The following TMEM245 variants were observed in gnomAD, a reference collection of about 807,000 sequenced individuals.
TMEM245 encodes protein CG-2.
Under a neutral mutation model 101.2 loss-of-function variants are expected in TMEM245, and 69 were observed. The ratio of observed to expected loss-of-function variants is 0.68; its 90% CI spans 0.56 to 0.83. The LOEUF (loss-of-function observed/expected upper bound fraction) is 0.83, where lower values mean the gene tolerates loss of function less well. Ranked by LOEUF, TMEM245 falls within the 40% of genes least tolerant of loss-of-function variation. TMEM245 has a pLI of 0.00. For missense variants in TMEM245, 1,075 were observed against 1,092.8 expected (o/e 0.98, Z 0.23); for synonymous variants, 537 against 449.8 (o/e 1.19, Z -2.45).
chr9:109,064,505 T>C lies in TMEM245; in HGVS notation c.1595A>G (p.Gln532Arg), dbSNP rs1384363852. Residue 532 changes from glutamine to arginine, a missense_variant, in exon 10 of 18, where the codon CAG becomes CGG. Transcript: ENST00000374586. ...ALNSAANNVY[Q>R]YGREWITHKL... is the part of the protein sequence containing the mutation. ...GTGAGTTATCCATTCTCGTCCATAC[T>C]GATACACGTTGTTAGCCGCAGAATT... The C allele has an allele frequency of 6.2e-7, 1 of 1,613,972 alleles. No homozygotes were observed. Among genetic ancestry groups the C allele is most frequent in the Non-Finnish European group, 8.5e-7 (1 of 1,179,864 alleles).
chr9:109,115,782 G>A (rs1003886749), intron 1 of TMEM245, among the ~76,000 whole-genome samples: 11 of 152,024 alleles, frequency 7.2e-5, no homozygotes, highest in African/African-American at 2.2e-4. Flanking sequence ...TGCCTGCCTC[G>A]GCTTCCCAAA....
At chr9:109,075,325 T>C (rs1005017263) in intron 8 of TMEM245, among the ~76,000 whole-genome samples, 1 of 152,220 alleles carries the variant, frequency 6.6e-6, no homozygotes, top group African/African-American at 2.4e-5. Flanking sequence ...TGGTCTGCAG[T>C]TTCCCTTCTG....
rs750760778 is a variant in TMEM245 at position 109,033,323 on chromosome 9, G to A, written c.2578C>T (p.Pro860Ser). 2 of 1,611,272 alleles carry A rather than the reference G, an allele frequency of 1.2e-6. No individual in the cohort carries two copies. The highest frequency in any genetic ancestry group is 1.7e-6 in the Non-Finnish European group (2 of 1,178,614). Reference sequence around the variant, plus strand: ...TTAACTCACCGCTGAGGCTGAGCAGGCCATGGGGTCTGGTTTGGCGTGGGA... The same window carrying A: ...TTAACTCACCGCTGAGGCTGAGCAGACCATGGGGTCTGGTTTGGCGTGGGA... ...SVPTPNQTPW[P>S]AQPQRTFRDI... The change falls in exon 17 of 18, where the codon CCT becomes TCT. Residue 860 changes from proline (P) to serine (S), a missense_variant. By Grantham distance (74) the Pro-to-Ser change is moderately conservative. This residue lies in a region of TMEM245 where 267 missense variants were observed against 351.3 expected (regional missense o/e 0.76). Transcript: ENST00000374586.
chr9:109,099,757 A>G (rs1013293685), intron 3 of TMEM245, among the ~76,000 whole-genome samples: 3 of 152,144 alleles, frequency 2.0e-5, no homozygotes, highest in African/African-American at 4.8e-5. Context: ...TCCAGGTGCT[A>G]TGGTTTGAGT....
At chr9:109,075,862 T>A (rs1300616194) in intron 8 of TMEM245, among the ~76,000 whole-genome samples, 1 of 152,242 alleles carries the variant, frequency 6.6e-6, no homozygotes, top group Non-Finnish European at 1.5e-5. Context: ...CACCTGATCC[T>A]TATTATTTCC....
intron 17 of TMEM245, among the ~76,000 whole-genome samples, chr9:109,032,798 A>G (rs1828000088): frequency 6.9e-6 from 1 of 145,450 alleles, no homozygotes; most frequent in South Asian, 2.2e-4. Flanking sequence ...ATTCTCACCC[A>G]ATATAGGTCT....
intron 17 of TMEM245, among the ~76,000 whole-genome samples, chr9:109,021,818 C>G (rs528966100): frequency 2.0e-5 from 3 of 152,006 alleles, no homozygotes; most frequent in Admixed American, 6.5e-5. Context: ...CACCACCCCC[C>G]CAAAAAAAGC....
chr9:109,092,590 A>G (rs1039510823), intron 4 of TMEM245, among the ~76,000 whole-genome samples: 8 of 152,266 alleles, frequency 5.3e-5, no homozygotes, highest in Non-Finnish European at 8.8e-5. Flanking sequence ...CCACTTTGGA[A>G]ACATAATTCC....
At chr9:109,036,501 A>C in intron 15 of TMEM245, 121 bp from the exon 16 acceptor site, 1 of 947,852 alleles carries the variant, frequency 1.1e-6, no homozygotes, top group Non-Finnish European at 1.5e-6. Flanking sequence ...ATACTCACAA[A>C]CTCAAATATT....
chr9:109,079,289 G>C (rs948245564), intron 8 of TMEM245, among the ~76,000 whole-genome samples: 1 of 151,910 alleles, frequency 6.6e-6, no homozygotes, highest in African/African-American at 2.4e-5. Context: ...ATATTAGGAA[G>C]GTGGAGCCAA....
intron 1 of TMEM245, among the ~76,000 whole-genome samples, chr9:109,115,305 T>C (rs1402984238): frequency 2.0e-5 from 3 of 151,570 alleles, no homozygotes; most frequent in East Asian, 3.9e-4. Flanking sequence ...GATCACACCA[T>C]TGCACTCCAG....
intron 17 of TMEM245, among the ~76,000 whole-genome samples, chr9:109,030,136 C>A (rs1291767813): frequency 6.6e-6 from 1 of 151,950 alleles, no homozygotes; most frequent in Non-Finnish European, 1.5e-5. Flanking sequence ...CTATATATGA[C>A]CAAATCAGAA....
Position 109,093,621 on chromosome 9 carries a change from CTT to C in TMEM245, c.800-32_800-31del, listed in dbSNP as rs1491456331. ...AAAAGAAGCATCCATTTTCAAAACT[CTT>C]TAAAGTAGGAAATAATGGCTGCAAA... On this transcript the variant is annotated intron_variant, in intron 3 of 17. Transcript: ENST00000374586. The C allele has an allele frequency of 1.0e-5, 16 of 1,566,762 alleles. No homozygotes were observed. The Middle Eastern group carries it at 5.0e-4, about 49-fold the overall frequency.
chr9:109,041,283 GC>G (rs958226571), intron 14 of TMEM245, among the ~76,000 whole-genome samples: 3 of 151,888 alleles, frequency 2.0e-5, no homozygotes, highest in African/African-American at 4.8e-5. Context: ...ATACTATTCA[GC>G]CCCCCCAAAA....
intron 17 of TMEM245, among the ~76,000 whole-genome samples, chr9:109,024,539 G>GC (rs1401084236): frequency 6.6e-6 from 1 of 152,152 alleles, no homozygotes; most frequent in Non-Finnish European, 1.5e-5. Flanking sequence ...TCTATAAAAC[G>GC]CGTATTAAGT....
chr9:109,092,292 C>T (rs1252483789), intron 4 of TMEM245, among the ~76,000 whole-genome samples: 2 of 149,534 alleles, frequency 1.3e-5, no homozygotes, highest in African/African-American at 5.0e-5. Flanking sequence ...AGCAATCATA[C>T]AGTAGCCCAC....
rs1354862426 is a variant in TMEM245 at position 109,060,389 on chromosome 9, G to A, written c.1687C>T (p.Leu563Phe). 2 of 1,613,502 alleles carry A rather than the reference G, an allele frequency of 1.2e-6. No homozygotes were observed. The highest frequency in any genetic ancestry group is 1.7e-6 in the Non-Finnish European group (2 of 1,179,784). Residue 563 changes from leucine (L) to phenylalanine (F), a missense_variant, in exon 11 of 18, where the codon CTT becomes TTT. Leu to Phe is a conservative substitution (Grantham distance 22). Around this residue, in one of 2 missense-constraint regions of TMEM245, gnomAD observed 808 missense variants for 741.5 expected, o/e 1.09. Transcript: ENST00000374586. ...TAVIEKQVLELWDRLYHSWFV... is the reference protein window; with the variant it reads ...TAVIEKQVLEFWDRLYHSWFV... ...CAAGAGTGATACAGTCTGTCCCAAAGTTCTAGTACTTGCTTTTCAATTACA... is the reference window on the plus strand; with the variant it reads ...CAAGAGTGATACAGTCTGTCCCAAAATTCTAGTACTTGCTTTTCAATTACA...
At chr9:109,042,839 A>G (rs922898554) in intron 14 of TMEM245, among the ~76,000 whole-genome samples, 37 of 115,532 alleles carry the variant, frequency 3.2e-4, no homozygotes, top group Non-Finnish European at 5.9e-4. Flanking sequence ...ATAGCTGACA[A>G]TTTTTTTTTT....
intron 7 of TMEM245, among the ~76,000 whole-genome samples, chr9:109,081,465 AG>A (rs1460165902): frequency 6.6e-6 from 1 of 152,220 alleles, no homozygotes; most frequent in Non-Finnish European, 1.5e-5. Context: ...TGATATCATT[AG>A]AATTACAAAA....
Sources: allele counts gnomAD v4.1 joint callset (sites outside exome capture counted in the v4.1 genomes callset), GRCh38; gene constraint gnomAD v4.1.1; regional missense constraint gnomAD v4.1.1; transcripts MANE v1.5; gene names NCBI Gene and HGNC (gene_info 2026-07-23, HGNC 2026-07-21).